Variants in SCLT1 observed in about 807,000 individuals in gnomAD.
The protein encoded by SCLT1 is sodium channel and clathrin linker 1, also known as sodium channel-associated protein 1.
In SCLT1, 78 loss-of-function variants were observed where a neutral mutation model predicts 112.8. That is an observed-to-expected ratio of 0.69 (90% CI 0.58 to 0.83). The LOEUF (loss-of-function observed/expected upper bound fraction) is 0.83. SCLT1 is among the 40% of genes least tolerant of loss of function. SCLT1 has a pLI of 0.00. For missense variants in SCLT1, 747 were observed against 770.4 expected (o/e 0.97, Z 0.36); for synonymous variants, 257 against 254.7 (o/e 1.01, Z -0.09).
chr4:129,073,640 CAAT>C (rs1751213354), intron 2 of SCLT1, among the ~76,000 whole-genome samples: 1 of 152,084 alleles, frequency 6.6e-6, no homozygotes, highest in Non-Finnish European at 1.5e-5. Context: ...GAGTCTAACA[CAAT>C]GTCTCACTAC....
chr4:129,051,456 G>GT (rs1302222669), intron 2 of SCLT1, among the ~76,000 whole-genome samples: 1 of 152,100 alleles, frequency 6.6e-6, no homozygotes, highest in African/African-American at 2.4e-5. Flanking sequence ...CTTGTAAGTT[G>GT]TATTCCTAGG....
At chr4:128,999,992 A>C (rs1743333349) in intron 6 of SCLT1, among the ~76,000 whole-genome samples, 198 bp from the exon 7 acceptor site, 1 of 151,906 alleles carries the variant, frequency 6.6e-6, no homozygotes, top group Non-Finnish European at 1.5e-5. Flanking sequence ...TGAAGACATA[A>C]AGTTCCTTAT....
At chr4:129,023,427 G>T (rs1187353454) in intron 5 of SCLT1, among the ~76,000 whole-genome samples, 1 of 152,114 alleles carries the variant, frequency 6.6e-6, no homozygotes, top group Non-Finnish European at 1.5e-5. Context: ...ACACACATAG[G>T]CTCAAAATAA....
chr4:128,948,552 C>A lies in SCLT1; in HGVS notation c.1237G>T (p.Gly413Cys). ...ALQMECAEKQGQIERVIKEKK... is the reference protein window; with the variant it reads ...ALQMECAEKQCQIERVIKEKK... ...TCCTTAATGACTCGTTCAATTTGGC[C>A]TTGTTTTTCAGCACACTCCTATAAA... is the stretch of plus-strand genomic sequence containing the variant. Residue 413 changes from glycine to cysteine, a missense_variant, in exon 15 of 21, where the codon GGC (glycine) becomes TGC (cysteine). By Grantham distance (159) the Gly-to-Cys change is radical. Coordinates refer to ENST00000281142, the MANE Select transcript of SCLT1 (RefSeq NM_144643.4). 1 of 1,606,350 alleles carries A rather than the reference C, an allele frequency of 6.2e-7. No homozygotes were observed. Among genetic ancestry groups the A allele is most frequent in the Non-Finnish European group, 8.5e-7 (1 of 1,174,530 alleles).
intron 1 of SCLT1, among the ~76,000 whole-genome samples, chr4:129,089,883 G>A (rs1752688934): frequency 6.6e-6 from 1 of 152,086 alleles, no homozygotes; most frequent in South Asian, 2.1e-4. Flanking sequence ...GACTAAGGGA[G>A]GGATAGCATT....
At chr4:129,035,654 T>G (rs1747115976) in intron 5 of SCLT1, among the ~76,000 whole-genome samples, 1 of 152,016 alleles carries the variant, frequency 6.6e-6, no homozygotes, top group South Asian at 2.1e-4. Flanking sequence ...TATCAGAAAA[T>G]GCTGTACATG....
At chr4:129,003,447 AG>A (rs1266780678) in intron 6 of SCLT1, among the ~76,000 whole-genome samples, 1 of 150,950 alleles carries the variant, frequency 6.6e-6, no homozygotes, top group Non-Finnish European at 1.5e-5. Flanking sequence ...AAAAAAAAAA[AG>A]AAAAAGAAAA....
intron 18 of SCLT1, among the ~76,000 whole-genome samples, chr4:128,895,731 G>A (rs930463012): frequency 6.6e-6 from 1 of 152,216 alleles, no homozygotes; most frequent in African/African-American, 2.4e-5. Flanking sequence ...GCCGAAGCAG[G>A]GCGAGGCATT....
Position 128,997,882 on chromosome 4 carries a change from T to C in SCLT1, c.607A>G (p.Met203Val), listed in dbSNP as rs778612185. 7 of 1,454,910 alleles carry C rather than the reference T, an allele frequency of 4.8e-6. No homozygotes were observed. Among genetic ancestry groups the C allele is most frequent in the Non-Finnish European group, 5.6e-6 (6 of 1,077,544 alleles). The allele number at this position is 1,454,910 out of a possible 1,614,324, so 90.1% of individuals were successfully genotyped here. A position where few individuals can be genotyped will look rare whatever the true frequency, so the allele number is the denominator to read the frequency against. The part of the protein sequence containing the change: ...TKQLHVTNEN[M>V]EVTNQQFLKT... ...TAAATAAGTATACTTACCACTTCCA[T>C]GTTCTCATTAGTAACATGAAGTTGT... The change falls in exon 8 of 21, where the codon ATG becomes GTG. Residue 203 changes from methionine to valine, a missense_variant. This residue lies in a region of SCLT1 where 723 missense variants were observed against 721.3 expected (regional missense o/e 1.00). Coordinates refer to ENST00000281142, the MANE Select transcript of SCLT1 (RefSeq NM_144643.4).
chr4:128,909,434 G>A (rs906684844), intron 18 of SCLT1, among the ~76,000 whole-genome samples: 5 of 152,092 alleles, frequency 3.3e-5, no homozygotes, highest in East Asian at 1.9e-4. Context: ...ATTTCTGTAG[G>A]GACAGGGTCT....
At chr4:128,892,138 C>T (rs545427596) in intron 18 of SCLT1, among the ~76,000 whole-genome samples, 36 of 152,296 alleles carry the variant, frequency 2.4e-4, no homozygotes, top group African/African-American at 5.1e-4. Context: ...AATTATCTTA[C>T]GCACAGAACT....
chr4:129,077,489 C>G (rs954941753), intron 2 of SCLT1, among the ~76,000 whole-genome samples: 5 of 152,068 alleles, frequency 3.3e-5, no homozygotes, highest in Non-Finnish European at 7.4e-5. Context: ...ATATTTGACA[C>G]ATAAGAGTTG....
intron 8 of SCLT1, 51 bp from the exon 9 acceptor site, chr4:128,992,288 C>G (rs1326945656): frequency 1.5e-5 from 17 of 1,149,334 alleles, no homozygotes; most frequent in Non-Finnish European, 1.9e-5. Context: ...ATAACTGTAT[C>G]TTTAAAGATG....
intron 1 of SCLT1, among the ~76,000 whole-genome samples, chr4:129,088,323 T>C (rs1186415533): frequency 2.0e-5 from 3 of 152,192 alleles, no homozygotes; most frequent in African/African-American, 7.2e-5. Flanking sequence ...AAATCCAGCA[T>C]CCATTTTGAT....
chr4:129,088,378 T>C (rs1394708406), intron 1 of SCLT1, among the ~76,000 whole-genome samples: 3 of 152,124 alleles, frequency 2.0e-5, no homozygotes, highest in Non-Finnish European at 1.5e-5. Flanking sequence ...ATTCTCAACA[T>C]AAGAACGTCT....
Position 129,093,060 on chromosome 4 carries a change from T to C in SCLT1, c.34+10A>G, listed in dbSNP as rs755334515. 4 of 1,604,082 alleles carry C rather than the reference T, an allele frequency of 2.5e-6. No individual in the cohort carries two copies. Among genetic ancestry groups the C allele is most frequent in the African/African-American group, 2.7e-5 (2 of 74,728 alleles). On this transcript the variant is annotated intron_variant, in intron 1 of 20. Transcript: ENST00000281142. ...TTGTATATGAAGTCTCAAAAAAACA[T>C]GGAGCTTACTTTGCTCTCTCAGAAA...
chr4:128,891,139 T>C lies in SCLT1; in HGVS notation c.1830-2A>G, dbSNP rs770099403. ...AGTTTCTGTCGACTCAGCTCACTCC[T>C]ATTAAGAGCACCAAAAAATCCATTA... is the stretch of plus-strand genomic sequence containing the variant. On this transcript the variant is annotated splice_acceptor_variant, in intron 18 of 20. Coordinates refer to ENST00000281142, the MANE Select transcript of SCLT1 (RefSeq NM_144643.4). LOFTEE classifies it high-confidence loss of function. 6.2e-7 allele frequency: 1 copy of C among 1,607,498 alleles called. No individual in the cohort carries two copies. Among genetic ancestry groups the C allele is most frequent in the Non-Finnish European group, 8.5e-7 (1 of 1,174,942 alleles).
intron 12 of SCLT1, 61 bp from the exon 13 acceptor site, chr4:128,957,185 G>C: frequency 9.9e-7 from 1 of 1,005,382 alleles, no homozygotes; most frequent in Non-Finnish European, 1.5e-6. Flanking sequence ...ATAATAACAG[G>C]TGAAAACCTA....
At chr4:128,997,195 G>A (rs1743086208) in intron 8 of SCLT1, 1 of 151,780 alleles carries the variant, frequency 6.6e-6, no homozygotes, top group South Asian at 2.1e-4. Flanking sequence ...AATAAAATTG[G>A]ATACTTACTT....
Sources: allele counts gnomAD v4.1 joint callset (sites outside exome capture counted in the v4.1 genomes callset), GRCh38; gene constraint gnomAD v4.1.1; regional missense constraint gnomAD v4.1.1; transcripts MANE v1.5; gene names NCBI Gene and HGNC (gene_info 2026-07-23, HGNC 2026-07-21).